Variants in CNKSR2 observed in about 807,000 individuals in gnomAD.
The protein encoded by CNKSR2 is CNK homolog protein 2.
In CNKSR2, 14 loss-of-function variants were observed where a neutral mutation model predicts 84.4. That is an observed-to-expected ratio of 0.17 (90% CI 0.11 to 0.26). CNKSR2 has a LOEUF of 0.26. Ranked by LOEUF, CNKSR2 falls within the 10% of genes least tolerant of loss-of-function variation. The pLI is 1.00. For synonymous variants in CNKSR2, 275 were observed against 277.9 expected (o/e 0.99, Z 0.10); for missense variants, 485 against 771.2 (o/e 0.63, Z 4.40).
chrX:21,472,266 T>A lies in CNKSR2; in HGVS notation c.561+1459T>A, dbSNP rs1312799817. Among the ~76,000 whole-genome samples the A allele has an allele frequency of 1.9e-4, 21 of 112,291 alleles. No individual in the cohort carries two copies. In the Admixed American group the frequency reaches 2.0e-3, roughly 11 times the overall value. On this transcript the variant is annotated intron_variant, in intron 5 of 21. Transcript: ENST00000379510. ...TTGAATTTTCTATGACAATGACTGTTCTTTCTGAAGTATTGAATTTACTGA... is the reference window on the plus strand; with the variant it reads ...TTGAATTTTCTATGACAATGACTGTACTTTCTGAAGTATTGAATTTACTGA...
intron 11 of CNKSR2, among the ~76,000 whole-genome samples, chrX:21,540,647 T>G (rs1441290798): frequency 2.7e-5 from 3 of 112,147 alleles, no homozygotes; most frequent in Non-Finnish European, 5.6e-5. Context: ...TCTTTTATCC[T>G]TAGAGTGTTC....
chrX:21,404,789 CAA>C (rs59192713), intron 1 of CNKSR2, among the ~76,000 whole-genome samples: 2 of 30,060 alleles, frequency 6.7e-5, no homozygotes, highest in African/African-American at 2.5e-4. Flanking sequence ...AACTCTGTCT[CAA>C]AAAAAAAAAA....
At chrX:21,438,731 C>G (rs773829049) in intron 3 of CNKSR2, among the ~76,000 whole-genome samples, 18 of 110,612 alleles carry the variant, frequency 1.6e-4, no homozygotes, top group Non-Finnish European at 3.0e-4. Flanking sequence ...AGAAGACAAG[C>G]TGGGAAAAAT....
At chrX:21,552,814 G>C (rs1296644994) in intron 11 of CNKSR2, among the ~76,000 whole-genome samples, 1 of 112,006 alleles carries the variant, frequency 8.9e-6, no homozygotes, top group Non-Finnish European at 1.9e-5. Context: ...AAAACAATTT[G>C]CCAGAAGTCA....
At chrX:21,619,577 G>A (rs768383969) in intron 20 of CNKSR2, among the ~76,000 whole-genome samples, 26 of 110,503 alleles carry the variant, frequency 2.4e-4, no homozygotes, top group Non-Finnish European at 4.4e-4. Flanking sequence ...TAAGACCTCC[G>A]AATTTTCTCA....
At chrX:21,459,103 A>G (rs1010348444) in intron 4 of CNKSR2, among the ~76,000 whole-genome samples, 2 of 104,723 alleles carry the variant, frequency 1.9e-5, no homozygotes, top group African/African-American at 7.1e-5. Context: ...GCTCACTGCA[A>G]TGCCCGCCTC....
intron 4 of CNKSR2, among the ~76,000 whole-genome samples, chrX:21,454,476 A>T (rs1186746960): frequency 1.8e-5 from 2 of 112,443 alleles, no homozygotes; most frequent in Non-Finnish European, 3.8e-5. Context: ...TGACGGTAGG[A>T]ATTATGTATT....
intron 20 of CNKSR2, among the ~76,000 whole-genome samples, chrX:21,628,330 A>G (rs1431092136): frequency 9.0e-6 from 1 of 111,259 alleles, no homozygotes; most frequent in Non-Finnish European, 1.9e-5. Context: ...GCAAGCTGTC[A>G]GTGGATCTAC....
chrX:21,602,372 G>C (rs190725912), intron 18 of CNKSR2, among the ~76,000 whole-genome samples: 2 of 111,315 alleles, frequency 1.8e-5, no homozygotes, highest in South Asian at 7.7e-4. Context: ...TGTTGCCCAT[G>C]CTGGTCCCAA....
chrX:21,484,270 G>A lies in CNKSR2; in HGVS notation c.562-6189G>A, dbSNP rs911510461. Among the ~76,000 whole-genome samples the A allele has an allele frequency of 4.5e-5, 5 of 111,131 alleles. No homozygotes were observed. The East Asian group carries it at 1.4e-3, about 31-fold the overall frequency. ...TGCATCATTGCCCTCCAGCCCTGGC[G>A]ACAGAGTGAGACTTCGTTTCAAAAC... On this transcript the variant is annotated intron_variant, in intron 5 of 21. Coordinates refer to ENST00000379510, the MANE Select transcript of CNKSR2 (RefSeq NM_014927.5).
intron 13 of CNKSR2, among the ~76,000 whole-genome samples, chrX:21,569,902 G>C (rs957703946): frequency 1.8e-5 from 2 of 112,176 alleles, no homozygotes; most frequent in South Asian, 7.4e-4. Flanking sequence ...TTTTCTTTCT[G>C]AGCAGTAGGT....
intron 1 of CNKSR2, among the ~76,000 whole-genome samples, chrX:21,409,466 C>T (rs1163819628): frequency 9.3e-6 from 1 of 107,592 alleles, no homozygotes; most frequent in African/African-American, 3.4e-5. Flanking sequence ...GCAGTGATTA[C>T]AACTGACATC....
At position 21,374,617 on chromosome X, in the gene CNKSR2, CAGCAGCAGCA is replaced by C. The variant is rs2089773074; in HGVS notation, c.-280_-271del. The stretch of plus-strand genomic sequence containing the variant: ...GAGGCAGCAGCAGCAGCAGCAGCAG[CAGCAGCAGCA>C]GCAGCCGCCGCCGCCGCCGCCTTAG... On this transcript the variant is annotated 5_prime_UTR_variant, in exon 1 of 22. Transcript: ENST00000379510. 7.9e-6 allele frequency: 4 copies of C among 507,805 alleles called. No individual in the cohort carries two copies. Among genetic ancestry groups the C allele is most frequent in the East Asian group, 7.7e-5 (2 of 25,828 alleles). 41.8% of individuals were successfully genotyped at this position (507,805 alleles called of 1,213,427 possible).
At chrX:21,472,546 G>A (rs2091210958) in intron 5 of CNKSR2, among the ~76,000 whole-genome samples, 1 of 111,573 alleles carries the variant, frequency 9.0e-6, no homozygotes, top group African/African-American at 3.3e-5. Context: ...GGCTCTACAT[G>A]ATTTCTTTTT....
chrX:21,379,118 TATA>T (rs1191573963), intron 1 of CNKSR2, among the ~76,000 whole-genome samples: 1 of 112,791 alleles, frequency 8.9e-6, no homozygotes, highest in Non-Finnish European at 1.9e-5. Context: ...GTAGTGATTA[TATA>T]AAGTCTAGTC....
At chrX:21,632,851 T>A (rs2092653818) in intron 20 of CNKSR2, among the ~76,000 whole-genome samples, 1 of 112,010 alleles carries the variant, frequency 8.9e-6, no homozygotes, top group African/African-American at 3.2e-5. Flanking sequence ...ACAAATCCAG[T>A]TATAGCATAT....
intron 11 of CNKSR2, among the ~76,000 whole-genome samples, chrX:21,533,447 A>G (rs2091902185): frequency 1.8e-5 from 2 of 110,651 alleles, no homozygotes; most frequent in Non-Finnish European, 3.8e-5. Flanking sequence ...GCTATTTTCT[A>G]CTTGTGTTGA....
At chrX:21,551,134 A>C (rs985216054) in intron 11 of CNKSR2, among the ~76,000 whole-genome samples, 1 of 110,936 alleles carries the variant, frequency 9.0e-6, no homozygotes, top group South Asian at 3.9e-4. Context: ...CAAACACCGC[A>C]GGTTCTCATT....
chrX:21,385,621 C>T (rs2089957347), intron 1 of CNKSR2, among the ~76,000 whole-genome samples: 1 of 111,676 alleles, frequency 9.0e-6, no homozygotes, highest in African/African-American at 3.3e-5. Context: ...AATGACTTGT[C>T]CTATATACCT....
Sources: allele counts gnomAD v4.1 joint callset (sites outside exome capture counted in the v4.1 genomes callset), GRCh38; gene constraint gnomAD v4.1.1; transcripts MANE v1.5; gene names NCBI Gene and HGNC (gene_info 2026-07-23, HGNC 2026-07-21).